LIPC: variants seen among roughly 807,000 people sequenced by gnomAD.
LIPC encodes hepatic triacylglycerol lipase.
A neutral mutation model predicts 50.7 loss-of-function variants in LIPC; 44 were observed. That is an observed-to-expected ratio of 0.87 (90% confidence interval 0.68 to 1.11). The LOEUF is 1.11. Ranked by LOEUF, LIPC falls within the 50% of genes most tolerant of loss-of-function variation. The pLI, the probability that LIPC is intolerant of heterozygous loss-of-function variation, is 0.00. For missense variants in LIPC, 697 were observed against 648.2 expected, an observed-to-expected ratio of 1.08 and a Z score of -0.82; for synonymous variants, 271 against 256.4, an observed-to-expected ratio of 1.06 and a Z score of -0.54.
At chr15:58,537,564 C>T (rs947378322) in intron 1 of LIPC, among the ~76,000 whole-genome samples, 14 of 152,298 alleles carry the variant, frequency 9.2e-5, no homozygotes, top group African/African-American at 3.4e-4. Flanking sequence ...CTCTGGCCTG[C>T]CTGGCCTTGT....
At chr15:58,560,635 T>A (rs2140950814) in intron 6 of LIPC, among the ~76,000 whole-genome samples, 1 of 152,208 alleles carries the variant, frequency 6.6e-6, no homozygotes, top group Non-Finnish European at 1.5e-5. Flanking sequence ...ATATTTATCA[T>A]TATTACATTA....
In LIPC at chr15:58,534,928, A is replaced by C. The variant is rs147007808; in HGVS notation, c.89-3405A>C. ...ATGTTCTTCCATGTCATGCCCACCCAGTGATTCTGTTTGTTTCTACCTCTT... is the reference window on the plus strand; with the variant it reads ...ATGTTCTTCCATGTCATGCCCACCCCGTGATTCTGTTTGTTTCTACCTCTT... On this transcript the variant is annotated intron_variant, in intron 1 of 8. Coordinates refer to ENST00000299022, the MANE Select transcript of LIPC (RefSeq NM_000236.3). 6.6e-4 allele frequency among the ~76,000 whole-genome samples: 101 copies of C among 152,304 alleles called. 2 individuals are homozygous for C. Among genetic ancestry groups the C allele is most frequent in the African/African-American group, 1.9e-3 (79 of 41,572 alleles).
At chr15:58,513,064 T>G (rs931431486) in intron 1 of LIPC, among the ~76,000 whole-genome samples, 1 of 152,040 alleles carries the variant, frequency 6.6e-6, no homozygotes. Context: ...CAAAGGACGC[T>G]CGACCTTTCT....
chr15:58,451,702 T>G (rs657045), intron 1 of LIPC, among the ~76,000 whole-genome samples: 58,656 of 151,968 alleles, frequency 0.39, 12,850 homozygotes, highest in African/African-American at 0.59. Flanking sequence ...GGTTCGCTCC[T>G]TTGGAGGAGG....
In LIPC at chr15:58,539,132, C is replaced by A. The variant is rs1353091869; in HGVS notation, c.273+615C>A. Reference sequence around the variant, plus strand: ...TCCAAGATGGCAGCTAGAGGACTAGCCATCACATCTTTATTCCAGGAAGCA... The same window carrying A: ...TCCAAGATGGCAGCTAGAGGACTAGACATCACATCTTTATTCCAGGAAGCA... On this transcript the variant is annotated intron_variant, in intron 2 of 8. Coordinates refer to ENST00000299022, the MANE Select transcript of LIPC (RefSeq NM_000236.3). 2.0e-5 allele frequency among the ~76,000 whole-genome samples: 3 copies of A among 152,160 alleles called. No individual in the cohort carries two copies. In the East Asian group the frequency reaches 5.8e-4, roughly 29 times the overall value.
chr15:58,457,035 T>A (rs1894148471), intron 1 of LIPC, among the ~76,000 whole-genome samples: 1 of 152,216 alleles, frequency 6.6e-6, no homozygotes, highest in African/African-American at 2.4e-5. Flanking sequence ...TTTGTCAGCA[T>A]GCAGGTATCA....
rs1196586737 is a variant in LIPC, at chr15:58,569,751, C to T, written c.*924C>T. 1 of 153,914 alleles carries T rather than the reference C, an allele frequency of 6.5e-6. No individual in the cohort carries two copies. Among genetic ancestry groups the T allele is most frequent in the African/African-American group, 2.4e-5 (1 of 41,482 alleles). The allele number at this position is 153,914 out of a possible 1,614,324, so 9.5% of individuals were successfully genotyped here. ...ATATGCAAACCAGGAAGTTGACCCT[C>T]ACCTGGAAGTAGACTACCAGATCTG... On this transcript the variant is annotated 3_prime_UTR_variant, in exon 9 of 9. Transcript: ENST00000299022.
intron 1 of LIPC, among the ~76,000 whole-genome samples, chr15:58,497,562 C>T (rs910286582): frequency 6.6e-6 from 1 of 151,966 alleles, no homozygotes; most frequent in Admixed American, 6.6e-5. Flanking sequence ...TCATCTTCCT[C>T]CCTCCTGGAA....
intron 1 of LIPC, among the ~76,000 whole-genome samples, chr15:58,438,763 G>A (rs1216615167): frequency 2.6e-5 from 4 of 152,196 alleles, no homozygotes; most frequent in African/African-American, 7.2e-5. Context: ...CAGCTGCTTC[G>A]GAGTTCCAGG....
chr15:58,490,383 G>A (rs540115686), intron 1 of LIPC, among the ~76,000 whole-genome samples: 24 of 152,228 alleles, frequency 1.6e-4, no homozygotes, highest in East Asian at 3.9e-4. Flanking sequence ...TATCTCCTCC[G>A]GCTAATCTGA....
At chr15:58,567,200 C>CAAT (rs1894393254) in intron 8 of LIPC, among the ~76,000 whole-genome samples, 1 of 88,652 alleles carries the variant, frequency 1.1e-5, no homozygotes, top group African/African-American at 4.2e-5. Flanking sequence ...GACTCCGTCT[C>CAAT]AAAAAAAATA....
At chr15:58,541,715 G>C in intron 2 of LIPC, 70 bp from the exon 3 acceptor site, 2 of 1,470,832 alleles carry the variant, frequency 1.4e-6, no homozygotes, top group Non-Finnish European at 1.9e-6. Flanking sequence ...TTATCCAGGA[G>C]CTGGAGAAGG....
chr15:58,543,857 G>A (rs1004718773), intron 4 of LIPC, among the ~76,000 whole-genome samples: 7 of 152,060 alleles, frequency 4.6e-5, no homozygotes, highest in African/African-American at 1.7e-4. Context: ...CCCAACCTCA[G>A]GTGATCCACC....
At chr15:58,443,127 GGT>G (rs1555396356) in intron 1 of LIPC, among the ~76,000 whole-genome samples, 1 of 152,104 alleles carries the variant, frequency 6.6e-6, no homozygotes, top group Non-Finnish European at 1.5e-5. Context: ...TGGCCAGGCT[GGT>G]CTTGAACTCC....
At chr15:58,528,984 G>C (rs756950709) in intron 1 of LIPC, among the ~76,000 whole-genome samples, 1 of 152,134 alleles carries the variant, frequency 6.6e-6, no homozygotes, top group African/African-American at 2.4e-5. Context: ...GCTGAGACAG[G>C]ACTTGCATAT....
chr15:58,493,888 G>A (rs763105398), intron 1 of LIPC, among the ~76,000 whole-genome samples: 3 of 152,110 alleles, frequency 2.0e-5, no homozygotes, highest in Non-Finnish European at 4.4e-5. Flanking sequence ...GATGGCAATG[G>A]GTACTGAAAG....
chr15:58,451,202 G>A (rs554608765), intron 1 of LIPC, among the ~76,000 whole-genome samples: 6 of 152,282 alleles, frequency 3.9e-5, no homozygotes, highest in South Asian at 2.1e-4. Flanking sequence ...CCCAGGCCTC[G>A]AGTGACAGGT....
intron 1 of LIPC, among the ~76,000 whole-genome samples, chr15:58,528,089 G>A (rs760522391): frequency 1.4e-4 from 21 of 148,146 alleles, no homozygotes; most frequent in Middle Eastern, 3.3e-3. Context: ...GCAGTGAGCC[G>A]AGACCACCCC....
intron 1 of LIPC, among the ~76,000 whole-genome samples, chr15:58,478,221 ACT>A (rs1455935928): frequency 3.3e-5 from 5 of 151,108 alleles, no homozygotes; most frequent in African/African-American, 1.2e-4. Flanking sequence ...TCACAAACTC[ACT>A]CTCACATTTC....
Sources: allele counts gnomAD v4.1 joint callset (sites outside exome capture counted in the v4.1 genomes callset), GRCh38; gene constraint gnomAD v4.1.1; transcripts MANE v1.5; gene names NCBI Gene and HGNC (gene_info 2026-07-23, HGNC 2026-07-21).